Variants in KALRN observed in about 807,000 individuals in gnomAD.
KALRN encodes the protein kalirin RhoGEF kinase.
KALRN carries 70 observed loss-of-function variants against 353.7 expected under a neutral mutation model. The ratio of observed to expected loss-of-function variants is 0.20; its 90% CI spans 0.16 to 0.24. KALRN has a LOEUF of 0.24. KALRN is among the 10% of genes least tolerant of loss of function. The probability of loss-of-function intolerance (pLI) is 1.00; values close to 1 mark genes in which losing one functional copy is unlikely to be tolerated. For missense variants in KALRN, 2,791 were observed against 3,756.7 expected (o/e 0.74, Z 6.72); for synonymous variants, 1,391 against 1,434.8 (o/e 0.97, Z 0.69).
intron 10 of KALRN, among the ~76,000 whole-genome samples, chr3:124,368,598 G>T (rs2085349564): frequency 6.8e-6 from 1 of 147,322 alleles, no homozygotes; most frequent in Non-Finnish European, 1.5e-5. Context: ...AGGCAGAGGG[G>T]CTCCTCACAT....
At chr3:124,191,720 A>G (rs937252496) in intron 1 of KALRN, among the ~76,000 whole-genome samples, 3 of 152,096 alleles carry the variant, frequency 2.0e-5, no homozygotes, top group African/African-American at 7.2e-5. Context: ...ACAGCATGGT[A>G]GTCTCAGGGT....
intron 1 of KALRN, chr3:124,094,920 GTA>G (rs770201989): frequency 1.6e-5 from 26 of 1,608,824 alleles, no homozygotes; most frequent in Non-Finnish European, 2.0e-5. Context: ...CTGAGTGTGT[GTA>G]TGCTTGTATG....
chr3:124,499,101 C>T (rs1276544941), intron 33 of KALRN, among the ~76,000 whole-genome samples: 3 of 152,106 alleles, frequency 2.0e-5, no homozygotes, highest in Non-Finnish European at 4.4e-5. Context: ...CCCAGTCTTC[C>T]TCTTACAATC....
intron 21 of KALRN, among the ~76,000 whole-genome samples, chr3:124,449,015 A>G (rs1341170645): frequency 2.0e-5 from 3 of 152,210 alleles, no homozygotes; most frequent in African/African-American, 4.8e-5. Flanking sequence ...GGTTATTCAT[A>G]TTAGAATATC....
At chr3:124,040,846 A>T (rs1285281227) in intron 1 of KALRN, among the ~76,000 whole-genome samples, 1 of 152,192 alleles carries the variant, frequency 6.6e-6, no homozygotes, top group Non-Finnish European at 1.5e-5. Context: ...TGTGATGGAC[A>T]GAGGCTGAAG....
intron 12 of KALRN, among the ~76,000 whole-genome samples, chr3:124,396,758 T>C (rs753957185): frequency 6.6e-6 from 1 of 152,268 alleles, no homozygotes. Flanking sequence ...TACTTGATGA[T>C]GGCAAAGGCA....
chr3:124,070,607 A>C (rs746873381), intron 1 of KALRN, among the ~76,000 whole-genome samples: 1 of 152,210 alleles, frequency 6.6e-6, no homozygotes, highest in Non-Finnish European at 1.5e-5. Context: ...TTCACATGTT[A>C]GGTGTTTGCT....
At chr3:124,572,327 A>AAAAAAAC (rs1003825528) in intron 34 of KALRN, among the ~76,000 whole-genome samples, 1 of 151,762 alleles carries the variant, frequency 6.6e-6, no homozygotes, top group Non-Finnish European at 1.5e-5. Flanking sequence ...CCCATCTCAA[A>AAAAAAAC]AAAAAACAAA....
chr3:124,458,561 A>G lies in KALRN; in HGVS notation c.3854+1833A>G, dbSNP rs570422306. 2.0e-5 allele frequency among the ~76,000 whole-genome samples: 3 copies of G among 152,318 alleles called. No homozygotes were observed. In the East Asian group the frequency reaches 5.8e-4, roughly 29 times the overall value. On this transcript the variant is annotated intron_variant, in intron 23 of 59. Transcript: ENST00000682506. Reference sequence around the variant, plus strand: ...CTAGCTAGATTGTAGACTCCTTGAAAACAAGAAGTATTTTATACTCTGTAG... The same window carrying G: ...CTAGCTAGATTGTAGACTCCTTGAAGACAAGAAGTATTTTATACTCTGTAG...
At chr3:124,459,995 G>C (rs1035842209) in intron 23 of KALRN, among the ~76,000 whole-genome samples, 1 of 152,172 alleles carries the variant, frequency 6.6e-6, no homozygotes, top group Admixed American at 6.5e-5. Flanking sequence ...GTGTCAGCAG[G>C]GTTGATTCCT....
chr3:124,562,005 C>A (rs888377798), intron 33 of KALRN, among the ~76,000 whole-genome samples: 28 of 152,156 alleles, frequency 1.8e-4, no homozygotes, highest in African/African-American at 6.0e-4. Context: ...TTCCTGTCAA[C>A]CCCTTTTATT....
intron 25 of KALRN, among the ~76,000 whole-genome samples, chr3:124,470,719 C>T (rs1224755241): frequency 6.6e-6 from 1 of 152,166 alleles, no homozygotes; most frequent in Non-Finnish European, 1.5e-5. Flanking sequence ...ATAGTAACCC[C>T]AGAAGGCAAT....
chr3:124,587,998 T>C (rs2075386974), intron 34 of KALRN, among the ~76,000 whole-genome samples: 1 of 151,872 alleles, frequency 6.6e-6, no homozygotes, highest in Non-Finnish European at 1.5e-5. Flanking sequence ...TTAGCCTTTT[T>C]GGTTCTATTG....
At chr3:124,447,175 C>T (rs751636480) in intron 21 of KALRN, among the ~76,000 whole-genome samples, 3 of 152,126 alleles carry the variant, frequency 2.0e-5, no homozygotes, top group Non-Finnish European at 4.4e-5. Flanking sequence ...TTCTTTCAGA[C>T]CAAATCAGGG....
intron 5 of KALRN, among the ~76,000 whole-genome samples, chr3:124,286,468 G>A (rs915198018): frequency 2.0e-5 from 3 of 152,186 alleles, no homozygotes; most frequent in Non-Finnish European, 2.9e-5. Flanking sequence ...GGCCAGGCTG[G>A]TCTGAAACTC....
At chr3:124,708,800 C>G (rs1443123581) in intron 57 of KALRN, among the ~76,000 whole-genome samples, 1 of 151,604 alleles carries the variant, frequency 6.6e-6, no homozygotes, top group Admixed American at 6.6e-5. Flanking sequence ...AAAAAACAAA[C>G]AAAAACCATG....
At position 124,724,845 on chromosome 3, in the gene KALRN, A is replaced by G. The variant is rs1158805964; in HGVS notation, c.*5375A>G. The G allele has an allele frequency of 4.6e-5, 7 of 152,212 alleles. No homozygotes were observed. Among genetic ancestry groups the G allele is most frequent in the Admixed American group, 4.6e-4 (7 of 15,278 alleles). 9.4% of individuals were successfully genotyped at this position (152,212 alleles called of 1,614,324 possible). A position where few individuals can be genotyped will look rare whatever the true frequency, so the allele number is the denominator to read the frequency against. On this transcript the variant is annotated 3_prime_UTR_variant, in exon 60 of 60. Coordinates refer to ENST00000682506, the MANE Select transcript of KALRN (RefSeq NM_001388419.1). ...CAACTTTTCGTCTTTGAGGGACATTATGATAAGCCTGAAATTAATACGCAC... is the reference window on the plus strand; with the variant it reads ...CAACTTTTCGTCTTTGAGGGACATTGTGATAAGCCTGAAATTAATACGCAC...
intron 37 of KALRN, among the ~76,000 whole-genome samples, chr3:124,645,401 A>G (rs2082578947): frequency 6.6e-6 from 1 of 152,180 alleles, no homozygotes; most frequent in Non-Finnish European, 1.5e-5. Flanking sequence ...GTCTTTGCCC[A>G]TGCCTATGTC....
chr3:124,533,927 T>A (rs2068288631), intron 33 of KALRN, among the ~76,000 whole-genome samples: 1 of 152,170 alleles, frequency 6.6e-6, no homozygotes, highest in Non-Finnish European at 1.5e-5. Flanking sequence ...CAGGTTATTA[T>A]CAACAGGTTA....
Sources: gnomAD v4.1 joint callset for allele counts (sites outside exome capture counted in the v4.1 genomes callset) on GRCh38, gnomAD v4.1.1 for gene constraint, MANE v1.5 for transcripts, NCBI Gene and HGNC (gene_info 2026-07-23, HGNC 2026-07-21) for gene names.